Variants in MME observed in about 807,000 individuals in gnomAD.
MME encodes membrane metalloendopeptidase.
MME carries 98 observed loss-of-function variants against 113.2 expected under a neutral mutation model. That is an observed-to-expected ratio of 0.87 (90% confidence interval 0.74 to 1.02). The LOEUF (loss-of-function observed/expected upper bound fraction) is 1.02. MME is among the 50% of genes least tolerant of loss of function. MME has a pLI of 0.00. For synonymous variants in MME, 292 were observed against 300.6 expected (o/e 0.97, Z 0.30); for missense variants, 836 against 896.0 (o/e 0.93, Z 0.86).
At chr3:155,061,549 A>G (rs1022190417) in intron 1 of MME, among the ~76,000 whole-genome samples, 13 of 151,858 alleles carry the variant, frequency 8.6e-5, no homozygotes, top group African/African-American at 3.1e-4. Context: ...TAACAACCAC[A>G]TTACAAACCT....
intron 15 of MME, among the ~76,000 whole-genome samples, chr3:155,148,304 T>C (rs997501252): frequency 6.6e-6 from 1 of 152,108 alleles, no homozygotes; most frequent in African/African-American, 2.4e-5. Context: ...GTGAGGTTTG[T>C]TTGACACTTG....
intron 3 of MME, among the ~76,000 whole-genome samples, chr3:155,098,265 A>G (rs142005128): frequency 2.0e-5 from 3 of 152,106 alleles, no homozygotes; most frequent in Non-Finnish European, 4.4e-5. Flanking sequence ...AGTAAAAAAT[A>G]GAGTGGCTGG....
chr3:155,175,148 C>T (rs571450160), intron 22 of MME, among the ~76,000 whole-genome samples: 3 of 151,798 alleles, frequency 2.0e-5, no homozygotes, highest in African/African-American at 4.8e-5. Flanking sequence ...ATTTTGATGA[C>T]ACAGACTACT....
intron 3 of MME, among the ~76,000 whole-genome samples, chr3:155,093,119 CAT>C (rs904372668): frequency 2.0e-5 from 3 of 150,660 alleles, no homozygotes; most frequent in Admixed American, 1.3e-4. Flanking sequence ...TCCATTTTTA[CAT>C]AGTTATCTCA....
chr3:155,116,583 A>T, intron 5 of MME, 24 bp downstream of exon 5: 3 of 1,240,286 alleles, frequency 2.4e-6, no homozygotes, highest in Non-Finnish European at 3.4e-6. Flanking sequence ...ATTTGATTTC[A>T]TTAGGAGTAT....
At chr3:155,083,277 T>C (rs940239428) in intron 1 of MME, among the ~76,000 whole-genome samples, 1 of 152,318 alleles carries the variant, frequency 6.6e-6, no homozygotes, top group East Asian at 1.9e-4. Flanking sequence ...TGCCCCAGTT[T>C]CCTAATTCTT....
At chr3:155,112,483 T>G (rs1488192677) in intron 3 of MME, 3 of 152,164 alleles carry the variant, frequency 2.0e-5, no homozygotes, top group African/African-American at 7.2e-5. Flanking sequence ...GTTCTATTAG[T>G]GTTAGAATGT....
At chr3:155,147,064 T>A (rs1312704954) in intron 14 of MME, 80 bp from the exon 15 acceptor site, 2 of 884,032 alleles carry the variant, frequency 2.3e-6, no homozygotes, top group Non-Finnish European at 3.8e-6. Context: ...AGTTATTCAA[T>A]TGCTAGTCAT....
chr3:155,140,519 C>G (rs888322073), intron 10 of MME, among the ~76,000 whole-genome samples: 1 of 147,436 alleles, frequency 6.8e-6, no homozygotes, highest in East Asian at 2.0e-4. Flanking sequence ...CAGGCTCAAG[C>G]GATTCTCCTG....
intron 8 of MME, among the ~76,000 whole-genome samples, chr3:155,130,837 T>C (rs1294683576): frequency 6.8e-6 from 1 of 147,594 alleles, no homozygotes; most frequent in Admixed American, 6.7e-5. Flanking sequence ...AAACTTAATA[T>C]ATTTACAATT....
At chr3:155,140,933 C>T (rs1721038404) in intron 10 of MME, among the ~76,000 whole-genome samples, 1 of 152,118 alleles carries the variant, frequency 6.6e-6, no homozygotes, top group Admixed American at 6.5e-5. Context: ...GTGTTCAGAA[C>T]AATAATTCAG....
intron 10 of MME, 46 bp downstream of exon 10, chr3:155,140,338 A>G (rs1014322219): frequency 1.7e-6 from 2 of 1,194,396 alleles, no homozygotes; most frequent in Non-Finnish European, 1.2e-6. Context: ...CGTTTTCTAA[A>G]TTATAACATT....
At chr3:155,119,583 A>T (rs1366903589) in intron 8 of MME, among the ~76,000 whole-genome samples, 2 of 98,128 alleles carry the variant, frequency 2.0e-5, no homozygotes, top group Non-Finnish European at 2.0e-5. Context: ...CCACCCCACC[A>T]CAGTCCCCAG....
At chr3:155,126,871 T>C (rs1158949718) in intron 8 of MME, among the ~76,000 whole-genome samples, 1 of 151,930 alleles carries the variant, frequency 6.6e-6, no homozygotes, top group Non-Finnish European at 1.5e-5. Context: ...TGGTTCTGCA[T>C]GCCTGTAATC....
intron 1 of MME, among the ~76,000 whole-genome samples, chr3:155,063,277 A>C (rs1312401059): frequency 9.2e-6 from 1 of 108,434 alleles, no homozygotes; most frequent in Non-Finnish European, 1.8e-5. Context: ...TTATTTATAT[A>C]TTATAATATA....
chr3:155,054,392 C>T (rs1214066340), intron 1 of MME, among the ~76,000 whole-genome samples: 3 of 152,088 alleles, frequency 2.0e-5, no homozygotes, highest in East Asian at 1.9e-4. Context: ...TTATTCTTCA[C>T]ACCTTCAATA....
chr3:155,174,386 T>C (rs1025262421), intron 22 of MME, among the ~76,000 whole-genome samples: 2 of 135,256 alleles, frequency 1.5e-5, no homozygotes, highest in African/African-American at 5.7e-5. Context: ...GTGTGAAGGG[T>C]AAATGGAATG....
At chr3:155,159,105 T>C (rs1335122843) in intron 16 of MME, 1 of 152,104 alleles carries the variant, frequency 6.6e-6, no homozygotes, top group African/African-American at 2.4e-5. Context: ...TCAGTTGTTA[T>C]ATATTGCCCT....
chr3:155,075,680 A>G (rs1714722898), upstream of MME, among the ~76,000 whole-genome samples: 1 of 152,158 alleles, frequency 6.6e-6, no homozygotes, highest in African/African-American at 2.4e-5. Context: ...TTCCAACAAC[A>G]TAAGTAAGGA....
Sources: gnomAD v4.1 joint callset for allele counts (sites outside exome capture counted in the v4.1 genomes callset) on GRCh38, gnomAD v4.1.1 for gene constraint, MANE v1.5 for transcripts, NCBI Gene and HGNC (gene_info 2026-07-23, HGNC 2026-07-21) for gene names.